Variants in PP2D1 observed in about 807,000 individuals in gnomAD.
PP2D1 encodes protein phosphatase 2C-like domain-containing protein 1.
In PP2D1, 25 loss-of-function variants were observed where a neutral mutation model predicts 30.2. That is an observed-to-expected ratio of 0.83 (90% CI 0.60 to 1.16). PP2D1 has a LOEUF of 1.16. Among genes scored for constraint, PP2D1 ranks in the 50% most tolerant of loss-of-function variants. The pLI is 0.00. For missense variants in PP2D1, 760 were observed against 742.4 expected, an observed-to-expected ratio of 1.02 and a Z score of -0.28; for synonymous variants, 260 against 258.9, an observed-to-expected ratio of 1.00 and a Z score of -0.04.
chr3:19,998,957 TG>T (rs1697217052), intron 2 of PP2D1, among the ~76,000 whole-genome samples: 1 of 152,246 alleles, frequency 6.6e-6, no homozygotes, highest in South Asian at 2.1e-4. Context: ...TTCACCCATG[TG>T]TCTTTCTATG....
At chr3:19,990,480 G>A (rs1377497938) in intron 2 of PP2D1, among the ~76,000 whole-genome samples, 2 of 149,200 alleles carry the variant, frequency 1.3e-5, no homozygotes, top group African/African-American at 5.0e-5. Flanking sequence ...AATGGTGCAT[G>A]AAGGAAAGAA....
chr3:20,006,951 G>GTATA (rs751112821), intron 1 of PP2D1, among the ~76,000 whole-genome samples: 16 of 149,642 alleles, frequency 1.1e-4, no homozygotes, highest in African/African-American at 3.9e-4. Flanking sequence ...ACGTATGTGT[G>GTATA]TATATATATA....
intron 1 of PP2D1, among the ~76,000 whole-genome samples, chr3:20,006,731 C>T (rs972944673): frequency 2.6e-5 from 4 of 151,552 alleles, no homozygotes; most frequent in Non-Finnish European, 4.4e-5. Context: ...CCTCCCAAAG[C>T]GCTAGGATTA....
At chr3:19,998,996 G>A (rs1697217484) in intron 2 of PP2D1, among the ~76,000 whole-genome samples, 1 of 151,208 alleles carries the variant, frequency 6.6e-6, no homozygotes. Flanking sequence ...GATGCAAACA[G>A]TTTAACACCA....
chr3:20,004,976 G>GTT (rs1697300503), intron 1 of PP2D1, among the ~76,000 whole-genome samples: 1 of 151,776 alleles, frequency 6.6e-6, no homozygotes, highest in African/African-American at 2.4e-5. Context: ...AGGTGTGATG[G>GTT]TATGCATGCC....
intron 2 of PP2D1, 85 bp from the exon 3 acceptor site, chr3:19,986,267 C>A: frequency 9.8e-7 from 1 of 1,021,604 alleles, no homozygotes; most frequent in Non-Finnish European, 1.4e-6. Context: ...TTAGTAAATT[C>A]TGTGTTTCAA....
downstream of PP2D1, among the ~76,000 whole-genome samples, chr3:19,981,331 G>A (rs920641199): frequency 1.9e-4 from 29 of 152,098 alleles, no homozygotes; most frequent in Non-Finnish European, 3.5e-4. Flanking sequence ...AAATCAGGCT[G>A]GGCGCAGTGG....
At chr3:19,984,237 C>G (rs1173905357), downstream of PP2D1, 9 of 420,326 alleles carry the variant, frequency 2.1e-5, no homozygotes, top group Non-Finnish European at 3.7e-5. Flanking sequence ...GAAGGAGATT[C>G]TAAAGTTATT....
chr3:20,001,831 C>T lies in PP2D1; in HGVS notation c.289G>A (p.Gly97Ser). Residue 97 changes from glycine (G) to serine (S), a missense_variant, in exon 2 of 3, where the codon GGT becomes AGT. Physicochemically the swap from Gly to Ser is moderately conservative, Grantham distance 56. Coordinates refer to ENST00000389050, the MANE Select transcript of PP2D1 (RefSeq NM_001252657.2). ...ACTGAGGGCTGTGGTTTCTTTCTAC[C>T]CATCCATTGGAAACCCAGCGTGGCC... ...ALATLGFQWMGRKKPQPSVIA... is the reference protein window; with the variant it reads ...ALATLGFQWMSRKKPQPSVIA... The T allele has an allele frequency of 6.5e-7, 1 of 1,535,276 alleles. No individual in the cohort carries two copies. Among genetic ancestry groups the T allele is most frequent in the African/African-American group, 1.4e-5 (1 of 73,030 alleles).
At chr3:19,997,649 A>G (rs1360596660) in intron 2 of PP2D1, among the ~76,000 whole-genome samples, 7 of 152,232 alleles carry the variant, frequency 4.6e-5, no homozygotes, top group Admixed American at 2.0e-4. Context: ...AAGAAAATGT[A>G]GTATAAGTAC....
intron 2 of PP2D1, among the ~76,000 whole-genome samples, chr3:19,987,833 C>A (rs1697061211): frequency 6.6e-6 from 1 of 152,186 alleles, no homozygotes; most frequent in Admixed American, 6.5e-5. Flanking sequence ...GGCAGAAGAA[C>A]ATAAATTGTG....
rs1207300171 is a variant in PP2D1, at chr3:20,001,856, C to T, written c.264G>A (p.Leu88=). The change falls in exon 2 of 3, where the codon CTG becomes CTA. Residue 88 remains leucine (L), a synonymous_variant. Coordinates refer to ENST00000389050, the MANE Select transcript of PP2D1 (RefSeq NM_001252657.2). The part of the protein sequence containing the change: ...IFLHKKQHVA[L]ATLGFQWMGR... The stretch of plus-strand genomic sequence containing the variant: ...CCATCCATTGGAAACCCAGCGTGGC[C>T]AGAGCTACATGTTGCTTCTTATGGA... The T allele has an allele frequency of 6.5e-7, 1 of 1,535,568 alleles. No individual in the cohort carries two copies. Among genetic ancestry groups the T allele is most frequent in the African/African-American group, 1.4e-5 (1 of 72,962 alleles).
chr3:19,983,828 C>A (rs1696980063), downstream of PP2D1: 1 of 1,536,012 alleles, frequency 6.5e-7, no homozygotes, highest in Non-Finnish European at 9.0e-7. Context: ...AACTAAACCT[C>A]TAGTTTGAAC....
chr3:20,003,384 G>GT (rs199594095), intron 1 of PP2D1, among the ~76,000 whole-genome samples: 131 of 142,384 alleles, frequency 9.2e-4, no homozygotes, highest in South Asian at 7.6e-3. Flanking sequence ...TTTTAGTTTT[G>GT]TTTTTTTTTT....
downstream of PP2D1, among the ~76,000 whole-genome samples, chr3:19,980,765 C>T (rs1377116188): frequency 1.3e-5 from 2 of 152,094 alleles, no homozygotes; most frequent in African/African-American, 4.8e-5. Flanking sequence ...GGAGATTTAC[C>T]ATTATAATGC....
rs769642332 is a variant in PP2D1, at chr3:19,985,900, C to T, written c.1373G>A (p.Trp458Ter). 1.3e-6 allele frequency: 2 copies of T among 1,536,410 alleles called. No individual in the cohort carries two copies. Among genetic ancestry groups the T allele is most frequent in the African/African-American group, 1.4e-5 (1 of 73,150 alleles). Residue 458 changes from tryptophan to a stop codon, truncating the protein, a stop_gained, in exon 3 of 3, where the codon TGG (tryptophan) becomes TAG (stop). Transcript: ENST00000389050. LOFTEE classifies it low-confidence loss of function (END_TRUNC). Reference sequence around the variant, plus strand: ...AACTTCCTCTTTATCCAAAACTTCCCAAAGTCCATTAGTAGCTACAATAAG... The same window carrying T: ...AACTTCCTCTTTATCCAAAACTTCCTAAAGTCCATTAGTAGCTACAATAAG... The part of the protein sequence containing the change: ...QFLIVATNGL[W>*]EVLDKEEVTA...
chr3:20,010,805 A>C (rs1235352547), intron 1 of PP2D1, among the ~76,000 whole-genome samples: 1 of 152,022 alleles, frequency 6.6e-6, no homozygotes. Context: ...TCCATCTCAG[A>C]ATAAATGAAT....
chr3:20,000,292 A>G (rs1697235229), intron 2 of PP2D1, among the ~76,000 whole-genome samples: 1 of 152,210 alleles, frequency 6.6e-6, no homozygotes, highest in Admixed American at 6.5e-5. Context: ...CTAGACGAGG[A>G]AATTACTCTG....
downstream of PP2D1, among the ~76,000 whole-genome samples, chr3:19,981,715 A>C (rs1696931625): frequency 6.6e-6 from 1 of 152,106 alleles, no homozygotes; most frequent in Non-Finnish European, 1.5e-5. Flanking sequence ...CCAGCAGGTA[A>C]GTTTTTTTAA....
Sources: gnomAD v4.1 joint callset for allele counts (sites outside exome capture counted in the v4.1 genomes callset) on GRCh38, gnomAD v4.1.1 for gene constraint, MANE v1.5 for transcripts, NCBI Gene and HGNC (gene_info 2026-07-23, HGNC 2026-07-21) for gene names.